EPB41L3: variants seen among roughly 807,000 people sequenced by gnomAD.
EPB41L3 encodes band 4.1-like protein 3.
Under a neutral mutation model 127.1 loss-of-function variants are expected in EPB41L3, and 57 were observed. The ratio of observed to expected loss-of-function variants is 0.45; its 90% CI spans 0.36 to 0.56. The LOEUF is 0.56. Ranked by LOEUF, EPB41L3 falls within the 20% of genes least tolerant of loss-of-function variation. The pLI, the probability that EPB41L3 is intolerant of heterozygous loss-of-function variation, is 0.00. For missense variants in EPB41L3, 1,273 were observed against 1,372.2 expected, an observed-to-expected ratio of 0.93 and a Z score of 1.14; for synonymous variants, 572 against 549.5, an observed-to-expected ratio of 1.04 and a Z score of -0.57.
chr18:5,448,163 G>A (rs76633263), intron 3 of EPB41L3, among the ~76,000 whole-genome samples: 66 of 152,180 alleles, frequency 4.3e-4, no homozygotes, highest in African/African-American at 1.5e-3. Flanking sequence ...GCTCTAACTG[G>A]GCTTCCCTTT....
intron 1 of EPB41L3, among the ~76,000 whole-genome samples, chr18:5,521,732 A>C (rs1205975936): frequency 6.6e-6 from 1 of 152,214 alleles, no homozygotes; most frequent in Non-Finnish European, 1.5e-5. Context: ...CTTAGAGATA[A>C]CAAAAGATCC....
intron 11 of EPB41L3, chr18:5,420,096 A>G (rs2077287666): frequency 1.1e-6 from 1 of 899,072 alleles, no homozygotes; most frequent in African/African-American, 1.7e-5. Context: ...TGAGAGCATG[A>G]CCTTCCTGTA....
chr18:5,573,280 C>T (rs2094302643), intron 3 of EPB41L3, among the ~76,000 whole-genome samples: 1 of 152,188 alleles, frequency 6.6e-6, no homozygotes, highest in South Asian at 2.1e-4. Context: ...AAAGTCATCT[C>T]AAACCTGTTA....
At chr18:5,497,076 A>G (rs1049458792) in intron 1 of EPB41L3, among the ~76,000 whole-genome samples, 4 of 152,238 alleles carry the variant, frequency 2.6e-5, no homozygotes, top group Non-Finnish European at 4.4e-5. Context: ...AGATACGCAC[A>G]GTGGCGATAA....
Position 5,581,440 on chromosome 18 carries a change from A to G in EPB41L3, c.-306+30900T>C, listed in dbSNP as rs2094392552. Among the ~76,000 whole-genome samples, 2 of 152,196 alleles carry G rather than the reference A, an allele frequency of 1.3e-5. 1 individual carries two copies. Among genetic ancestry groups the G allele is most frequent in the South Asian group, 4.1e-4 (2 of 4,830 alleles). ...GACTCTAGAGAATAATGTGAAGGTA[A>G]ATACGTTATCATTTTCAATATTTTT... is the stretch of plus-strand genomic sequence containing the variant. On this transcript the variant is annotated intron_variant, in intron 3 of 21. Coordinates refer to the EPB41L3 transcript ENST00000545076.
intron 1 of EPB41L3, among the ~76,000 whole-genome samples, chr18:5,520,345 A>C (rs1443115551): frequency 6.6e-6 from 1 of 152,196 alleles, no homozygotes; most frequent in Non-Finnish European, 1.5e-5. Context: ...AGAAAATAAC[A>C]AAGTATAATA....
chr18:5,539,240 T>C (rs1352667629), intron 1 of EPB41L3, among the ~76,000 whole-genome samples: 2 of 63,652 alleles, frequency 3.1e-5, no homozygotes, highest in Non-Finnish European at 5.9e-5. Flanking sequence ...AATATAGACC[T>C]TTCTGCTTTC....
At chr18:5,503,143 A>G in intron 1 of EPB41L3, among the ~76,000 whole-genome samples, 1 of 152,296 alleles carries the variant, frequency 6.6e-6, no homozygotes, top group South Asian at 2.1e-4. Flanking sequence ...GTCAAATTAT[A>G]TTTATCACTT....
intron 3 of EPB41L3, among the ~76,000 whole-genome samples, chr18:5,597,884 C>G (rs1242063246): frequency 6.6e-6 from 1 of 152,164 alleles, no homozygotes; most frequent in Non-Finnish European, 1.5e-5. Context: ...TAGCACCAGC[C>G]ATGGAAACCA....
intron 2 of EPB41L3, among the ~76,000 whole-genome samples, chr18:5,485,390 G>A (rs373955346): frequency 6.6e-6 from 1 of 151,828 alleles, no homozygotes; most frequent in East Asian, 1.9e-4. Context: ...AATTAGCATT[G>A]TATTGAATTG....
chr18:5,479,698 G>T (rs2088018741), intron 2 of EPB41L3: 1 of 151,592 alleles, frequency 6.6e-6, no homozygotes, highest in African/African-American at 2.4e-5. Context: ...TGAAAAGAAA[G>T]CAACAAAAAA....
At chr18:5,531,637 C>A (rs1057117632) in intron 1 of EPB41L3, among the ~76,000 whole-genome samples, 1 of 146,582 alleles carries the variant, frequency 6.8e-6, no homozygotes, top group African/African-American at 2.5e-5. Context: ...GCACGAGAAT[C>A]ACTTGAACCT....
chr18:5,566,772 CTATTCTATTCTATTCT>C (rs1568583946), intron 3 of EPB41L3, among the ~76,000 whole-genome samples: 4 of 146,254 alleles, frequency 2.7e-5, no homozygotes, highest in African/African-American at 1.0e-4. Context: ...CTATTCTATT[CTATTCTATTCTATTCT>C]ATTCCATTCC....
At chr18:5,408,276 T>C (rs1321848178) in intron 14 of EPB41L3, among the ~76,000 whole-genome samples, 2 of 144,574 alleles carry the variant, frequency 1.4e-5, no homozygotes, top group East Asian at 4.0e-4. Context: ...CTTTTTTCTT[T>C]TTTTTTTTTT....
At chr18:5,394,599 C>T in intron 22 of EPB41L3, 78 bp downstream of exon 22, 1 of 1,005,546 alleles carries the variant, frequency 9.9e-7, no homozygotes. Context: ...AAGGAGGGAT[C>T]AGGTGAAGGA....
At chr18:5,510,331 A>C (rs1362872063) in intron 1 of EPB41L3, among the ~76,000 whole-genome samples, 3 of 152,106 alleles carry the variant, frequency 2.0e-5, no homozygotes, top group Non-Finnish European at 4.4e-5. Flanking sequence ...CCTTACATAA[A>C]ACCAAGCCCC....
chr18:5,456,512 T>C (rs1244416329), intron 3 of EPB41L3, among the ~76,000 whole-genome samples: 1 of 152,252 alleles, frequency 6.6e-6, no homozygotes, highest in Non-Finnish European at 1.5e-5. Context: ...CTGTAAATGA[T>C]GCTTCATTCA....
chr18:5,395,785 A>G (rs1294113488), intron 19 of EPB41L3, 78 bp from the exon 20 acceptor site: 4 of 1,072,660 alleles, frequency 3.7e-6, no homozygotes, highest in Non-Finnish European at 5.7e-6. Flanking sequence ...TATTTAAGGC[A>G]TTACGACAAT....
chr18:5,405,288 T>C (rs953571875), intron 16 of EPB41L3, among the ~76,000 whole-genome samples: 3 of 152,262 alleles, frequency 2.0e-5, no homozygotes, highest in Admixed American at 1.3e-4. Context: ...TAAGTTTTAA[T>C]GTTCCATTCT....
Sources: gnomAD v4.1 joint callset for allele counts (sites outside exome capture counted in the v4.1 genomes callset) on GRCh38, gnomAD v4.1.1 for gene constraint, MANE v1.5 for transcripts, NCBI Gene and HGNC (gene_info 2026-07-23, HGNC 2026-07-21) for gene names.